TNS2: variants seen among roughly 807,000 people sequenced by gnomAD.
TNS2 encodes the protein tensin-2.
In TNS2, 77 loss-of-function variants were observed where a neutral mutation model predicts 155.7. The observed-to-expected ratio is 0.49, with a 90% CI of 0.41 to 0.60. TNS2 has a LOEUF of 0.60. Among genes scored for constraint, TNS2 ranks in the 20% least tolerant of loss-of-function variants. The pLI is 0.00. For missense variants in TNS2, 1,703 were observed against 1,868.8 expected (o/e 0.91, Z 1.64); for synonymous variants, 726 against 763.9 (o/e 0.95, Z 0.82).
chr12:53,063,877 AAATG>A lies in TNS2; in HGVS notation c.4228_*1del. On this transcript the variant is annotated frameshift_variant and stop_lost, in exon 29 of 29. Coordinates refer to ENST00000314250, the MANE Select transcript of TNS2 (RefSeq NM_170754.4). LOFTEE classifies it high-confidence loss of function. This position sits in a 1 kb window ranked among gnomAD's most constrained non-coding sequence, Gnocchi z 5.6. ...CACCAAAGTTCTACTGGGCCAGAGA[AAATG>A]AAGGAAGGCCACAAGCTCAGAGCCC... is the stretch of plus-strand genomic sequence containing the variant. 1 of 1,613,976 alleles carries A rather than the reference AAATG, an allele frequency of 6.2e-7. No individual in the cohort carries two copies. The highest frequency in any genetic ancestry group is 2.2e-5 in the East Asian group (1 of 44,878).
chr12:53,059,743 C>T lies in TNS2; in HGVS notation c.2102C>T (p.Thr701Ile). Residue 701 changes from threonine to isoleucine, a missense_variant, in exon 18 of 29, where the codon ACA (threonine) becomes ATA (isoleucine). Physicochemically the swap from Thr to Ile is moderately conservative, Grantham distance 89 (BLOSUM62 -1). Transcript: ENST00000314250. This position sits in a 1 kb window ranked among gnomAD's most constrained non-coding sequence, Gnocchi z 4.7. ...TGCGAGGAGAAGCTGGCGCTGCCTACAGCAGCCTTGTATGGACTGCGGCTG... is the reference window on the plus strand; with the variant it reads ...TGCGAGGAGAAGCTGGCGCTGCCTATAGCAGCCTTGTATGGACTGCGGCTG... ...PACEEKLALP[T>I]AALYGLRLER... 1 of 1,612,994 alleles carries T rather than the reference C, an allele frequency of 6.2e-7. No homozygotes were observed. Among genetic ancestry groups the T allele is most frequent in the Non-Finnish European group, 8.5e-7 (1 of 1,179,818 alleles).
intron 4 of TNS2, 64 bp downstream of exon 4, chr12:53,053,513 G>A (rs910137132): frequency 1.2e-6 from 2 of 1,602,966 alleles, no homozygotes; most frequent in Admixed American, 1.7e-5. Context: ...CAGAGGTCTG[G>A]TGGCTCCAGA....
At position 53,053,802 on chromosome 12, in the gene TNS2, T is replaced by C. The variant is rs755525574; in HGVS notation, c.290T>C (p.Ile97Thr). Residue 97 changes from isoleucine to threonine, a missense_variant, in exon 5 of 29, where the codon ATA becomes ACA. Transcript: ENST00000314250. ...CGAAACACGGCCCCAGTCAGGCGCA[T>C]AGAGCACCTGGTAAGGTGATGCTGG... ...LRRNTAPVRR[I>T]EHLGSTKSLN... 19 of 1,612,264 alleles carry C rather than the reference T, an allele frequency of 1.2e-5. No individual in the cohort carries two copies. Among genetic ancestry groups the C allele is most frequent in the Non-Finnish European group, 1.5e-5 (18 of 1,179,408 alleles).
rs1264797023 is a variant in TNS2, at chr12:53,063,572, C to T, written c.4071C>T (p.Asn1357=). Residue 1357 remains asparagine, a synonymous_variant, in exon 28 of 29, where the codon AAC becomes AAT. Coordinates refer to ENST00000314250, the MANE Select transcript of TNS2 (RefSeq NM_170754.4). This position sits in a 1 kb window ranked among gnomAD's most constrained non-coding sequence, Gnocchi z 5.6. ...TCTTCTCCTTCTGCAGATGGACCAA[C>T]CCAGACGGGACCACCTCCAAGTAAG... ...STDPQDRRWT[N]PDGTTSKIFG... 2 of 1,613,280 alleles carry T rather than the reference C, an allele frequency of 1.2e-6. No individual in the cohort carries two copies. The highest frequency in any genetic ancestry group is 2.2e-5 in the East Asian group (1 of 44,796).
upstream of TNS2, chr12:53,049,257 C>A (rs201457662): frequency 1.2e-6 from 2 of 1,605,756 alleles, no homozygotes; most frequent in Non-Finnish European, 1.7e-6. Context: ...AGGTAGTACT[C>A]AGGCTTCGGG....
In TNS2 at chr12:53,060,922, CCCA is replaced by C. The variant is rs775216790; in HGVS notation, c.3021_3023del (p.Thr1008del). On this transcript the variant is annotated inframe_deletion, in exon 20 of 29. Transcript: ENST00000314250. This position sits in a 1 kb window ranked among gnomAD's most constrained non-coding sequence, Gnocchi z 6.1. ...TGGCGCCAGTCCTCGGAGCCCTGTG[CCCA>C]CCACACTTCCTGGCCTCCGCCACGC... 11 of 1,596,038 alleles carry C rather than the reference CCCA, an allele frequency of 6.9e-6. No individual in the cohort carries two copies. Among genetic ancestry groups the C allele is most frequent in the Admixed American group, 1.7e-5 (1 of 57,868 alleles).
chr12:53,060,538 A>G lies in TNS2; in HGVS notation c.2751A>G (p.Pro917=). ...CCACGCCCCTGCACACCAGCAGTCC[A>G]GTCCAGGGCAAGGAAAGGTATGCAG... is the stretch of plus-strand genomic sequence containing the variant. ...GPSTPLHTSS[P]VQGKESTRRQ... Residue 917 remains proline (P), a synonymous_variant, in exon 19 of 29, where the codon CCA becomes CCG. Transcript: ENST00000314250. The surrounding 1 kb of genome is among the most constrained non-coding windows in gnomAD (Gnocchi z 6.1). 1 of 1,613,662 alleles carries G rather than the reference A, an allele frequency of 6.2e-7. No individual in the cohort carries two copies. Among genetic ancestry groups the G allele is most frequent in the Non-Finnish European group, 8.5e-7 (1 of 1,179,940 alleles).
chr12:53,054,780 T>C (rs941236659), intron 7 of TNS2, among the ~76,000 whole-genome samples: 1 of 151,698 alleles, frequency 6.6e-6, no homozygotes, highest in Non-Finnish European at 1.5e-5. Context: ...GCTCAAGCGA[T>C]TCTCCCACCT....
chr12:53,052,433 C>G (rs771497746), intron 2 of TNS2, 22 bp from the exon 3 acceptor site: 2 of 1,614,000 alleles, frequency 1.2e-6, no homozygotes, highest in Non-Finnish European at 1.7e-6. Context: ...GCTAACCCCT[C>G]TCCTCCCCTT....
chr12:53,060,643 C>T lies in TNS2; in HGVS notation c.2769-32C>T. On this transcript the variant is annotated intron_variant, in intron 19 of 28. Transcript: ENST00000314250. This position sits in a 1 kb window ranked among gnomAD's most constrained non-coding sequence, Gnocchi z 6.1. ...GGGGTGGGAGCAGCCACAATGGGGG[C>T]TCTGCTGACCATCTGCCCTTCCACC... 3 of 1,584,468 alleles carry T rather than the reference C, an allele frequency of 1.9e-6. No homozygotes were observed. The highest frequency in any genetic ancestry group is 1.7e-6 in the Non-Finnish European group (2 of 1,162,808).
In TNS2 at chr12:53,061,927, C is replaced by T; in HGVS notation, c.3561C>T (p.Ala1187=). The change falls in exon 22 of 29, where the codon GCC becomes GCT. Residue 1187 remains alanine, a synonymous_variant. Coordinates refer to ENST00000314250, the MANE Select transcript of TNS2 (RefSeq NM_170754.4). ...AGGTGGCCACACCGCCACCCAGTGCCCAGCCCTGGAAAGGTACAGAACACC... is the reference window on the plus strand; with the variant it reads ...AGGTGGCCACACCGCCACCCAGTGCTCAGCCCTGGAAAGGTACAGAACACC... ...ALKVATPPPS[A]QPWKGDPVEQ... The T allele has an allele frequency of 6.2e-7, 1 of 1,612,564 alleles. No individual in the cohort carries two copies. The highest frequency in any genetic ancestry group is 8.5e-7 in the Non-Finnish European group (1 of 1,179,448).
intron 13 of TNS2, 82 bp from the exon 14 acceptor site, chr12:53,057,945 C>G (rs1944218681): frequency 2.5e-6 from 4 of 1,608,458 alleles, no homozygotes; most frequent in Non-Finnish European, 3.4e-6. Context: ...AGACTCTGGT[C>G]TCCTGGCTCC....
Position 53,063,475 on chromosome 12 carries a change from T to TCCCAGC in TNS2, c.4062-72_4062-67dup, listed in dbSNP as rs1391743023. Reference sequence around the variant, plus strand: ...CCCCATGGTCCCACCAGGTCCCAGCTCCCAGCCCCAGCCCCAGCCCCGGCC... The same window carrying TCCCAGC: ...CCCCATGGTCCCACCAGGTCCCAGCTCCCAGCCCCAGCCCCAGCCCCAGCCCCGGCC... On this transcript the variant is annotated intron_variant, in intron 27 of 28. Transcript: ENST00000314250. This position sits in a 1 kb window ranked among gnomAD's most constrained non-coding sequence, Gnocchi z 5.6. 6.9e-5 allele frequency: 111 copies of TCCCAGC among 1,611,676 alleles called. No individual in the cohort carries two copies. The Middle Eastern group carries it at 9.2e-4, about 13-fold the overall frequency.
In TNS2 at chr12:53,060,366, C is replaced by T. The variant is rs1944336493; in HGVS notation, c.2618-39C>T. The T allele has an allele frequency of 6.3e-7, 1 of 1,599,306 alleles. No homozygotes were observed. Among genetic ancestry groups the T allele is most frequent in the African/African-American group, 1.3e-5 (1 of 74,650 alleles). ...AAACAGCTAAGCCAGACAGAAGAGC[C>T]CCATCCTGCTCACAGCCCACCTCTC... On this transcript the variant is annotated intron_variant, in intron 18 of 28. Transcript: ENST00000314250. The surrounding 1 kb of genome is among the most constrained non-coding windows in gnomAD (Gnocchi z 6.1).
Position 53,054,009 on chromosome 12 carries a change from G to A in TNS2, c.345G>A (p.Leu115=), listed in dbSNP as rs751259695. Residue 115 remains leucine (L), a synonymous_variant, in exon 6 of 29, where the codon CTG becomes CTA. Coordinates refer to ENST00000314250, the MANE Select transcript of TNS2 (RefSeq NM_170754.4). ...SLNHSKQRST[L]PRSFSLDPLM... is the part of the protein sequence containing the mutation. ...ACCACTCAAAGCAGCGCAGCACTCT[G>A]CCCAGGTAAGTGAGGGTGCTGGGGT... The A allele has an allele frequency of 2.5e-6, 4 of 1,614,020 alleles. No homozygotes were observed. The African/African-American group carries it at 4.0e-5, about 16-fold the overall frequency.
chr12:53,058,156 G>T (rs1944227690), intron 14 of TNS2, 54 bp downstream of exon 14: 3 of 1,612,866 alleles, frequency 1.9e-6, no homozygotes, highest in Non-Finnish European at 2.5e-6. Context: ...AGGGGTTGGT[G>T]GTGTAACGGC....
At chr12:53,062,807 C>A in intron 25 of TNS2, 110 bp downstream of exon 25, 2 of 1,323,800 alleles carry the variant, frequency 1.5e-6, no homozygotes, top group South Asian at 1.3e-5. Context: ...CCTGGCCAAC[C>A]CATGAGGGCA....
At chr12:53,051,555 T>A (rs1206826633) in intron 1 of TNS2, among the ~76,000 whole-genome samples, 2 of 152,168 alleles carry the variant, frequency 1.3e-5, no homozygotes, top group African/African-American at 4.8e-5. Context: ...GGGGAAAGCC[T>A]GAGCATGGAG....
chr12:53,063,778 C>T lies in TNS2; in HGVS notation c.4126C>T (p.Pro1376Ser). 1 of 1,614,196 alleles carries T rather than the reference C, an allele frequency of 6.2e-7. No homozygotes were observed. Among genetic ancestry groups the T allele is most frequent in the Non-Finnish European group, 8.5e-7 (1 of 1,180,034 alleles). Residue 1376 changes from proline to serine, a missense_variant, in exon 29 of 29, where the codon CCC becomes TCC. Coordinates refer to ENST00000314250, the MANE Select transcript of TNS2 (RefSeq NM_170754.4). This position sits in a 1 kb window ranked among gnomAD's most constrained non-coding sequence, Gnocchi z 5.6. ...FGFVAKKPGSPWENVCHLFAE... is the reference protein window; with the variant it reads ...FGFVAKKPGSSWENVCHLFAE... Reference sequence around the variant, plus strand: ...TTTCGTGGCCAAGAAGCCGGGAAGCCCCTGGGAGAATGTGTGTCACCTCTT... The same window carrying T: ...TTTCGTGGCCAAGAAGCCGGGAAGCTCCTGGGAGAATGTGTGTCACCTCTT...
Sources: gnomAD v4.1 joint callset for allele counts (sites outside exome capture counted in the v4.1 genomes callset) on GRCh38, gnomAD v4.1.1 for gene constraint, Gnocchi (gnomAD v3.1) non-coding constraint, MANE v1.5 for transcripts, NCBI Gene and HGNC (gene_info 2026-07-23, HGNC 2026-07-21) for gene names.